The following PTPRD variants were observed in gnomAD, a reference collection of about 807,000 sequenced individuals.
PTPRD encodes the protein protein tyrosine phosphatase receptor type D.
Under a neutral mutation model 214.5 loss-of-function variants are expected in PTPRD, and 34 were observed. The ratio of observed to expected loss-of-function variants is 0.16; its 90% confidence interval spans 0.12 to 0.21. The LOEUF (loss-of-function observed/expected upper bound fraction) is 0.21. PTPRD is among the 10% of genes least tolerant of loss of function. The pLI is 1.00. For missense variants in PTPRD, 2,545 were observed against 2,398.7 expected, an observed-to-expected ratio of 1.06 and a Z score of -1.27; for synonymous variants, 1,128 against 845.7, an observed-to-expected ratio of 1.33 and a Z score of -5.79.
Position 10,575,145 on chromosome 9 carries a change from C to A in PTPRD, c.-600+37253G>T, listed in dbSNP as rs531246041. Among the ~76,000 whole-genome samples the A allele has an allele frequency of 3.3e-5, 5 of 151,994 alleles. No homozygotes were observed. The East Asian group carries it at 5.8e-4, about 18-fold the overall frequency. ...TCACTTGAAAACATAAAATAATTTT[C>A]TTCCCAATTATTTGACACTGTAGAC... is the stretch of plus-strand genomic sequence containing the variant. On this transcript the variant is annotated intron_variant, in intron 2 of 45. Transcript: ENST00000381196.
intron 3 of PTPRD, among the ~76,000 whole-genome samples, chr9:10,073,682 T>C (rs1200938213): frequency 6.6e-6 from 1 of 152,096 alleles, no homozygotes; most frequent in Non-Finnish European, 1.5e-5. Flanking sequence ...GAAAGAGGTC[T>C]CATCAGCATG....
intron 34 of PTPRD, among the ~76,000 whole-genome samples, chr9:8,437,621 T>C (rs1471132617): frequency 2.0e-5 from 3 of 152,096 alleles, no homozygotes; most frequent in African/African-American, 7.2e-5. Context: ...AACAACTCTG[T>C]GATATTTTGC....
At chr9:9,418,198 T>A (rs1177552636) in intron 8 of PTPRD, among the ~76,000 whole-genome samples, 1 of 151,990 alleles carries the variant, frequency 6.6e-6, no homozygotes. Context: ...TGGCAAAGTG[T>A]TAAGCATGAA....
At chr9:9,312,547 C>T (rs780936653) in intron 9 of PTPRD, among the ~76,000 whole-genome samples, 2 of 152,052 alleles carry the variant, frequency 1.3e-5, no homozygotes, top group South Asian at 2.1e-4. Flanking sequence ...CTCTGGTTTC[C>T]GCCTACATCC....
intron 3 of PTPRD, among the ~76,000 whole-genome samples, chr9:10,163,625 C>G (rs1008567325): frequency 6.6e-6 from 1 of 151,306 alleles, no homozygotes; most frequent in Non-Finnish European, 1.5e-5. Context: ...AGATTGAAAA[C>G]CAACTCAGTA....
At chr9:9,269,401 G>A (rs1315382804) in intron 9 of PTPRD, among the ~76,000 whole-genome samples, 2 of 151,236 alleles carry the variant, frequency 1.3e-5, no homozygotes, top group South Asian at 4.1e-4. Context: ...ATGCATTGTT[G>A]GTAGGAATGT....
Position 8,918,571 on chromosome 9 carries a change from G to A in PTPRD, c.-104+100126C>T, listed in dbSNP as rs543523402. On this transcript the variant is annotated intron_variant, in intron 11 of 45. Transcript: ENST00000381196. ...AGAGAGAGAGTGTGTGTGTATGTGC[G>A]TGTGTGTGTATGTGTGTATGCATGC... 1.2e-3 allele frequency among the ~76,000 whole-genome samples: 187 copies of A among 152,200 alleles called. 1 individual carries two copies. Among genetic ancestry groups the A allele is most frequent in the African/African-American group, 4.1e-3 (170 of 41,520 alleles).
intron 11 of PTPRD, among the ~76,000 whole-genome samples, chr9:8,767,989 C>T (rs562199040): frequency 6.6e-4 from 100 of 151,994 alleles, no homozygotes; most frequent in Non-Finnish European, 1.2e-3. Context: ...AAATATACTA[C>T]GGTAATTAAA....
chr9:9,755,544 G>A (rs750830282), intron 6 of PTPRD, among the ~76,000 whole-genome samples: 1 of 152,018 alleles, frequency 6.6e-6, no homozygotes, highest in Non-Finnish European at 1.5e-5. Context: ...TTTTCTAAAG[G>A]TTTGTGCTTC....
intron 9 of PTPRD, among the ~76,000 whole-genome samples, chr9:9,209,735 T>C (rs1266626333): frequency 6.6e-6 from 1 of 152,214 alleles, no homozygotes; most frequent in Non-Finnish European, 1.5e-5. Context: ...TGTTGATTTT[T>C]ATAAGTGTTT....
At chr9:8,993,047 C>T (rs1250767181) in intron 11 of PTPRD, among the ~76,000 whole-genome samples, 2 of 152,162 alleles carry the variant, frequency 1.3e-5, no homozygotes, top group Admixed American at 6.6e-5. Flanking sequence ...CCAAAGATGG[C>T]TACAGTTGAT....
intron 2 of PTPRD, among the ~76,000 whole-genome samples, chr9:10,535,260 T>C (rs1393945720): frequency 6.6e-5 from 10 of 152,268 alleles, no homozygotes; most frequent in Admixed American, 3.9e-4. Flanking sequence ...AACTAAAAAA[T>C]TGAGGGGAAA....
At chr9:10,230,470 ATCTATCTG>A (rs1417401288) in intron 3 of PTPRD, among the ~76,000 whole-genome samples, 7 of 151,368 alleles carry the variant, frequency 4.6e-5, no homozygotes, top group African/African-American at 1.7e-4. Flanking sequence ...CTATCTATCT[ATCTATCTG>A]TCTATCTACC....
At chr9:9,238,530 T>C (rs2099968482) in intron 9 of PTPRD, among the ~76,000 whole-genome samples, 1 of 152,042 alleles carries the variant, frequency 6.6e-6, no homozygotes, top group Non-Finnish European at 1.5e-5. Flanking sequence ...AAATCATTGG[T>C]TAAGTTAGCT....
At chr9:9,036,268 TAAACA>T (rs2099621562) in intron 10 of PTPRD, among the ~76,000 whole-genome samples, 1 of 149,942 alleles carries the variant, frequency 6.7e-6, no homozygotes, top group African/African-American at 2.4e-5. Flanking sequence ...GAACATTTCC[TAAACA>T]AAAGAGTAAA....
At position 8,636,679 on chromosome 9, in the gene PTPRD, C is replaced by A; in HGVS notation, c.210+20G>T. The A allele has an allele frequency of 4.3e-6, 7 of 1,611,884 alleles. No homozygotes were observed. The highest frequency in any genetic ancestry group is 5.1e-6 in the Non-Finnish European group (6 of 1,178,222). ...CAGATACATTCTTCCCCCAGAGAAA[C>A]AGAACAATGGACCTAATACCTCAAA... On this transcript the variant is annotated intron_variant, in intron 13 of 45. Coordinates refer to ENST00000381196, the MANE Select transcript of PTPRD (RefSeq NM_002839.4).
rs376217423 is a variant in PTPRD at position 8,782,659 on chromosome 9, A to G, written c.-103-48713T>C. On this transcript the variant is annotated intron_variant, in intron 11 of 45. Transcript: ENST00000381196. Reference sequence around the variant, plus strand: ...GTTGCCCAGGCTGAAGTGCAGTGGCACAATCTCGGCTCACTGCAACCTCCA... The same window carrying G: ...GTTGCCCAGGCTGAAGTGCAGTGGCGCAATCTCGGCTCACTGCAACCTCCA... Among the ~76,000 whole-genome samples, 18 of 146,906 alleles carry G rather than the reference A, an allele frequency of 1.2e-4. No homozygotes were observed. The East Asian group carries it at 1.6e-3, about 13-fold the overall frequency.
chr9:9,677,091 G>C (rs1289662198), intron 7 of PTPRD, among the ~76,000 whole-genome samples: 1 of 152,080 alleles, frequency 6.6e-6, no homozygotes, highest in Non-Finnish European at 1.5e-5. Flanking sequence ...TGTTCACTCT[G>C]ATGGTAGTTT....
At chr9:8,635,733 G>C (rs1422340485) in intron 13 of PTPRD, among the ~76,000 whole-genome samples, 1 of 152,084 alleles carries the variant, frequency 6.6e-6, no homozygotes, top group Non-Finnish European at 1.5e-5. Context: ...GTAAAAGGGA[G>C]GTGAGTTTCA....
Sources: gnomAD v4.1 joint callset for allele counts (sites outside exome capture counted in the v4.1 genomes callset) on GRCh38, gnomAD v4.1.1 for gene constraint, MANE v1.5 for transcripts, NCBI Gene and HGNC (gene_info 2026-07-23, HGNC 2026-07-21) for gene names.